SPATA31A6: variants seen among roughly 807,000 people sequenced by gnomAD.
SPATA31A6 encodes spermatogenesis-associated protein 31A6.
SPATA31A6 carries 9 observed loss-of-function variants against 11.9 expected under a neutral mutation model. The observed-to-expected ratio is 0.76, with a 90% CI of 0.46 to 1.32. The LOEUF (loss-of-function observed/expected upper bound fraction) is 1.32, where lower values mean the gene tolerates loss of function less well. Among genes scored for constraint, SPATA31A6 ranks in the 40% most tolerant of loss-of-function variants. SPATA31A6 has a pLI of 0.00. For synonymous variants in SPATA31A6, 314 were observed against 572.1 expected (o/e 0.55, Z 6.44); for missense variants, 855 against 1,467.3 (o/e 0.58, Z 6.82).
chr9:42,189,862 C>T lies in SPATA31A6; in HGVS notation c.*128C>T. ...TAAATGCAGAACATTTAATATTCCA[C>T]AATATATATGGTTTTTTATTTATAA... On this transcript the variant is annotated 3_prime_UTR_variant, in exon 4 of 4. Coordinates refer to ENST00000332857, the MANE Select transcript of SPATA31A6 (RefSeq NM_001145196.1). 1 of 1,117,294 alleles carries T rather than the reference C, an allele frequency of 9.0e-7. No homozygotes were observed. Among genetic ancestry groups the T allele is most frequent in the Non-Finnish European group, 1.2e-6 (1 of 840,648 alleles). 69.2% of individuals were successfully genotyped at this position (1,117,294 alleles called of 1,614,324 possible).
At chr9:42,185,436 C>T (rs1016410321) in intron 2 of SPATA31A6, 11 of 629,262 alleles carry the variant, frequency 1.7e-5, no homozygotes, top group Non-Finnish European at 2.5e-5. Context: ...CTCTTTGAGA[C>T]CACCTCAGTC....
rs759352825 is a variant in SPATA31A6, at chr9:42,189,214, T to A, written c.3512T>A (p.Phe1171Tyr). 10 of 1,542,900 alleles carry A rather than the reference T, an allele frequency of 6.5e-6. 1 individual carries two copies. The highest frequency in any genetic ancestry group is 5.7e-5 in the South Asian group (5 of 87,338). Residue 1171 changes from phenylalanine to tyrosine, a missense_variant, in exon 4 of 4, where the codon TTT (phenylalanine) becomes TAT (tyrosine). Phe to Tyr is a conservative substitution (Grantham distance 22, BLOSUM62 3). Coordinates refer to ENST00000332857, the MANE Select transcript of SPATA31A6 (RefSeq NM_001145196.1). Reference protein sequence around the residue: ...ENIKQFFQWIFSKKKSKPAPV... With the variant: ...ENIKQFFQWIYSKKKSKPAPV... ...ATCAAGCAATTTTTTCAGTGGATTT[T>A]TTCAAAGAAAAAAAGCAAGCCAGCA...
In SPATA31A6 at chr9:42,187,054, C is replaced by T. The variant is rs774036337; in HGVS notation, c.1352C>T (p.Ser451Phe). 5.2e-6 allele frequency: 8 copies of T among 1,546,378 alleles called. 1 individual carries two copies. The South Asian group carries it at 8.0e-5, about 16-fold the overall frequency. Residue 451 changes from serine to phenylalanine, a missense_variant, in exon 4 of 4, where the codon TCC becomes TTC. Coordinates refer to ENST00000332857, the MANE Select transcript of SPATA31A6 (RefSeq NM_001145196.1). ...CCTCCTTTCTTGTTCAATGAAATGT[C>T]CAATGTCTGCCCAATTCAAAGGGAG... ...QSPPFLFNEM[S>F]NVCPIQRETT...
rs1459183268 is a variant in SPATA31A6 at position 42,189,841 on chromosome 9, T to G, written c.*107T>G. On this transcript the variant is annotated 3_prime_UTR_variant, in exon 4 of 4. Transcript: ENST00000332857. ...AAATATTTTCTCTCATGTTAGTAAA[T>G]GCAGAACATTTAATATTCCACAATA... is the stretch of plus-strand genomic sequence containing the variant. 9 of 1,123,628 alleles carry G rather than the reference T, an allele frequency of 8.0e-6. 2 individuals are homozygous for G. The highest frequency in any genetic ancestry group is 1.1e-5 in the Non-Finnish European group (9 of 842,862). The allele number at this position is 1,123,628 out of a possible 1,614,324, so 69.6% of individuals were successfully genotyped here. A position where few individuals can be genotyped will look rare whatever the true frequency, so the allele number is the denominator to read the frequency against.
chr9:42,187,673 C>T lies in SPATA31A6; in HGVS notation c.1971C>T (p.Phe657=), dbSNP rs200072098. ...ESSKEAQKVK[F]QLERDLCPHL... The stretch of plus-strand genomic sequence containing the variant: ...GCAAGGAGGCACAGAAGGTGAAGTT[C>T]CAGCTAGAGAGGGACCTGTGCCCAC... Residue 657 remains phenylalanine (F), a synonymous_variant, in exon 4 of 4, where the codon TTC becomes TTT. Coordinates refer to ENST00000332857, the MANE Select transcript of SPATA31A6 (RefSeq NM_001145196.1). 4,894 of 1,518,514 alleles carry T rather than the reference C, an allele frequency of 3.2e-3. 728 individuals are homozygous for T. The highest frequency in any genetic ancestry group is 4.0e-3 in the Non-Finnish European group (4,484 of 1,128,458). 94.1% of individuals were successfully genotyped at this position (1,518,514 alleles called of 1,614,324 possible).
rs1230175739 is a variant in SPATA31A6, at chr9:42,184,791, G to A, written c.190-278G>A. ...GATCAACCCACCTTGGCCTCCCAAA[G>A]TGCTTGGATTATAGGCGTGAGCCAC... is the stretch of plus-strand genomic sequence containing the variant. On this transcript the variant is annotated intron_variant, in intron 1 of 3. Transcript: ENST00000332857. Among the ~76,000 whole-genome samples, 45 of 136,298 alleles carry A rather than the reference G, an allele frequency of 3.3e-4. No individual in the cohort carries two copies. The South Asian group carries it at 4.1e-3, about 12-fold the overall frequency. 89.4% of individuals were successfully genotyped at this position (136,298 alleles called of 152,430 possible).
Position 42,188,915 on chromosome 9 carries a change from C to A in SPATA31A6, c.3213C>A (p.Leu1071=), listed in dbSNP as rs4248817. 7 of 1,538,822 alleles carry A rather than the reference C, an allele frequency of 4.5e-6. No homozygotes were observed. The South Asian group carries it at 8.1e-5, about 18-fold the overall frequency. ...NMRASQELHD[L]MAARRSKLVQ... is the part of the protein sequence containing the mutation. ...GGGCTTCCCAGGAGCTACATGACCTCATGGCAGCCAGAAGGAGCAAACTGG... is the reference window on the plus strand; with the variant it reads ...GGGCTTCCCAGGAGCTACATGACCTAATGGCAGCCAGAAGGAGCAAACTGG... The change falls in exon 4 of 4, where the codon CTC becomes CTA. Residue 1071 remains leucine, a synonymous_variant. Transcript: ENST00000332857.
Position 42,187,192 on chromosome 9 carries a change from C to A in SPATA31A6, c.1490C>A (p.Ala497Asp), listed in dbSNP as rs1251024594. Residue 497 changes from alanine to aspartate, a missense_variant, in exon 4 of 4, where the codon GCC becomes GAC. Ala to Asp is a moderately radical substitution (Grantham distance 126). Transcript: ENST00000332857. Reference protein sequence around the residue: ...PTPMAQAEAQAHLQSSFPVLS... With the variant: ...PTPMAQAEAQDHLQSSFPVLS... Reference sequence around the variant, plus strand: ...CCTATGGCTCAGGCCGAGGCTCAGGCCCATCTTCAGTCTTCTTTCCCAGTC... The same window carrying A: ...CCTATGGCTCAGGCCGAGGCTCAGGACCATCTTCAGTCTTCTTTCCCAGTC... 5 of 1,543,234 alleles carry A rather than the reference C, an allele frequency of 3.2e-6. 1 individual carries two copies. Among genetic ancestry groups the A allele is most frequent in the Non-Finnish European group, 4.4e-6 (5 of 1,138,180 alleles).
Position 42,189,080 on chromosome 9 carries a change from T to C in SPATA31A6, c.3378T>C (p.Thr1126=), listed in dbSNP as rs1344723694. Residue 1126 remains threonine, a synonymous_variant, in exon 4 of 4, where the codon ACT becomes ACC. Coordinates refer to ENST00000332857, the MANE Select transcript of SPATA31A6 (RefSeq NM_001145196.1). ...AAGAAAGGCTTGAAGGATTGAGGAC[T>C]CCTCAACTTACCCCAGTCAGGAAAA... is the stretch of plus-strand genomic sequence containing the variant. The part of the protein sequence containing the change: ...KHEERLEGLR[T]PQLTPVRKTE... 3 of 1,548,288 alleles carry C rather than the reference T, an allele frequency of 1.9e-6. No individual in the cohort carries two copies. The African/African-American group carries it at 4.6e-5, about 24-fold the overall frequency.
At position 42,187,217 on chromosome 9, in the gene SPATA31A6, C is replaced by G; in HGVS notation, c.1515C>G (p.Val505=). The change falls in exon 4 of 4, where the codon GTC becomes GTG. Residue 505 remains valine (V), a synonymous_variant. Coordinates refer to ENST00000332857, the MANE Select transcript of SPATA31A6 (RefSeq NM_001145196.1). ...CCCATCTTCAGTCTTCTTTCCCAGT[C>G]CTATCTCCTGCTTTTCCATCCCTGA... ...AQAHLQSSFP[V]LSPAFPSLIK... 6.5e-7 allele frequency: 1 copy of G among 1,543,398 alleles called. No individual in the cohort carries two copies.
At position 42,183,786 on chromosome 9, in the gene SPATA31A6, G is replaced by A. The variant is rs763546450; in HGVS notation, c.99G>A (p.Val33=). ...TGTTGGATATCTTCCTCACCTTGGT[G>A]TTTGCCCTGGGGTTCTTCTTCCTAT... ...PWVLDIFLTL[V]FALGFFFLLL... Residue 33 remains valine (V), a synonymous_variant, in exon 1 of 4, where the codon GTG becomes GTA. Coordinates refer to ENST00000332857, the MANE Select transcript of SPATA31A6 (RefSeq NM_001145196.1). The A allele has an allele frequency of 3.9e-6, 6 of 1,535,406 alleles. No homozygotes were observed. In the East Asian group the frequency reaches 1.4e-4, roughly 37 times the overall value.
chr9:42,184,185 C>T (rs1205772739), intron 1 of SPATA31A6, among the ~76,000 whole-genome samples: 1 of 137,738 alleles, frequency 7.3e-6, no homozygotes, highest in Non-Finnish European at 1.6e-5. Context: ...CGAGACCAGG[C>T]CCTGAGCCCT....
chr9:42,186,128 GGAAGAT>G lies in SPATA31A6; in HGVS notation c.428_433del (p.Glu143_Asp144del). The G allele has an allele frequency of 1.0e-6, 1 of 991,750 alleles. No individual in the cohort carries two copies. Among genetic ancestry groups the G allele is most frequent in the Non-Finnish European group, 1.4e-6 (1 of 707,102 alleles). The allele number at this position is 991,750 out of a possible 1,614,324, so 61.4% of individuals were successfully genotyped here. ...CCTCCCAGTCCTCTCATGAGCCTAT[GGAAGAT>G]GCTGCTCCCATTCTCTCCCCGTTAG... is the stretch of plus-strand genomic sequence containing the variant. On this transcript the variant is annotated inframe_deletion, in exon 4 of 4. Transcript: ENST00000332857.
chr9:42,189,490 G>C lies in SPATA31A6; in HGVS notation c.3788G>C (p.Ser1263Thr). The part of the protein sequence containing the change: ...EHGRILSYAA[S>T]SQQATLKSQG... ...GGCAGAATACTGAGCTATGCAGCCA[G>C]CAGTCAACAAGCCACTCTCAAGAGC... The change falls in exon 4 of 4, where the codon AGC becomes ACC. Residue 1263 changes from serine to threonine, a missense_variant. By Grantham distance (58) the Ser-to-Thr change is moderately conservative. Coordinates refer to ENST00000332857, the MANE Select transcript of SPATA31A6 (RefSeq NM_001145196.1). 1.3e-6 allele frequency: 2 copies of C among 1,558,914 alleles called. No homozygotes were observed. Among genetic ancestry groups the C allele is most frequent in the Non-Finnish European group, 1.7e-6 (2 of 1,156,388 alleles).
chr9:42,184,439 CTGTGTGTGTG>C lies in SPATA31A6; in HGVS notation c.190-596_190-587del, dbSNP rs71364261. On this transcript the variant is annotated intron_variant, in intron 1 of 3. Transcript: ENST00000332857. ...GGTGGACCTCATATTGAAAATCCCTCTGTGTGTGTGTGTGTGTGTGTGTGTGTGTGTGTGT... is the reference window on the plus strand; with the variant it reads ...GGTGGACCTCATATTGAAAATCCCTCTGTGTGTGTGTGTGTGTGTGTGTGT... Among the ~76,000 whole-genome samples the C allele has an allele frequency of 2.7e-3, 271 of 102,042 alleles. 13 individuals carry two copies. Among genetic ancestry groups the C allele is most frequent in the African/African-American group, 8.8e-3 (200 of 22,810 alleles). The allele number at this position is 102,042 out of a possible 152,430, so 66.9% of individuals were successfully genotyped here.
chr9:42,189,393 C>G lies in SPATA31A6; in HGVS notation c.3691C>G (p.His1231Asp), dbSNP rs757280521. ...GCACCATGCCTCGAAGGTAAATCAG[C>G]ACAAACAGAAGTTTCAAGCCCCAGT... is the stretch of plus-strand genomic sequence containing the variant. ...HAHHASKVNQ[H>D]KQKFQAPVCG... is the part of the protein sequence containing the mutation. The change falls in exon 4 of 4, where the codon CAC (histidine) becomes GAC (aspartate). Residue 1231 changes from histidine to aspartate, a missense_variant. Physicochemically the swap from His to Asp is moderately conservative, Grantham distance 81. Coordinates refer to ENST00000332857, the MANE Select transcript of SPATA31A6 (RefSeq NM_001145196.1). The G allele has an allele frequency of 6.4e-6, 10 of 1,556,228 alleles. 3 individuals are homozygous for G. Among genetic ancestry groups the G allele is most frequent in the Non-Finnish European group, 8.7e-6 (10 of 1,149,734 alleles).
chr9:42,187,052 G>T lies in SPATA31A6; in HGVS notation c.1350G>T (p.Met450Ile), dbSNP rs766999410. 6.5e-7 allele frequency: 1 copy of T among 1,546,492 alleles called. No homozygotes were observed. The highest frequency in any genetic ancestry group is 1.1e-5 in the South Asian group (1 of 87,284). Residue 450 changes from methionine (M) to isoleucine (I), a missense_variant, in exon 4 of 4, where the codon ATG becomes ATT. Transcript: ENST00000332857. ...LQSPPFLFNE[M>I]SNVCPIQRET... Reference sequence around the variant, plus strand: ...CTCCTCCTTTCTTGTTCAATGAAATGTCCAATGTCTGCCCAATTCAAAGGG... The same window carrying T: ...CTCCTCCTTTCTTGTTCAATGAAATTTCCAATGTCTGCCCAATTCAAAGGG...
At position 42,189,196 on chromosome 9, in the gene SPATA31A6, A is replaced by G. The variant is rs1246378886; in HGVS notation, c.3494A>G (p.Gln1165Arg). The change falls in exon 4 of 4, where the codon CAA (glutamine) becomes CGA (arginine). Residue 1165 changes from glutamine to arginine, a missense_variant. Physicochemically the swap from Gln to Arg is conservative, Grantham distance 43. Transcript: ENST00000332857. ...SVSHFGENIK[Q>R]FFQWIFSKKK... ...AGCCACTTTGGAGAAAACATCAAGC[A>G]ATTTTTTCAGTGGATTTTTTCAAAG... 14 of 1,542,614 alleles carry G rather than the reference A, an allele frequency of 9.1e-6. 1 individual carries two copies. The highest frequency in any genetic ancestry group is 1.2e-5 in the Non-Finnish European group (14 of 1,137,182).
At position 42,186,776 on chromosome 9, in the gene SPATA31A6, G is replaced by T. The variant is rs747686662; in HGVS notation, c.1074G>T (p.Lys358Asn). Residue 358 changes from lysine to asparagine, a missense_variant, in exon 4 of 4, where the codon AAG becomes AAT. By Grantham distance (94) the Lys-to-Asn change is moderately conservative. Coordinates refer to ENST00000332857, the MANE Select transcript of SPATA31A6 (RefSeq NM_001145196.1). ...TTACAAATCAAATGACCCCAGAAAA[G>T]CACTTAAATTCTTTGGGGAATTTGG... ...GSFTNQMTPEKHLNSLGNLAK... is the reference protein window; with the variant it reads ...GSFTNQMTPENHLNSLGNLAK... 6.5e-7 allele frequency: 1 copy of T among 1,530,410 alleles called. No individual in the cohort carries two copies. The highest frequency in any genetic ancestry group is 8.8e-7 in the Non-Finnish European group (1 of 1,138,692). The allele number at this position is 1,530,410 out of a possible 1,614,324, so 94.8% of individuals were successfully genotyped here.
Sources: allele counts gnomAD v4.1 joint callset (sites outside exome capture counted in the v4.1 genomes callset), GRCh38; gene constraint gnomAD v4.1.1; transcripts MANE v1.5; gene names NCBI Gene and HGNC (gene_info 2026-07-23, HGNC 2026-07-21).